The following SMARCB1 variants were observed in gnomAD, a reference collection of about 807,000 sequenced individuals.
The protein encoded by SMARCB1 is SWI/SNF-related matrix-associated actin-dependent regulator of chromatin subfamily B member 1.
SMARCB1 carries 5 observed loss-of-function variants against 49.0 expected under a neutral mutation model. That is an observed-to-expected ratio of 0.10 (90% CI 0.05 to 0.21). The LOEUF (loss-of-function observed/expected upper bound fraction) is 0.21. Ranked by LOEUF, SMARCB1 falls within the 10% of genes least tolerant of loss-of-function variation. The pLI is 1.00. For missense variants in SMARCB1, 226 were observed against 509.2 expected (o/e 0.44, Z 5.35); for synonymous variants, 201 against 200.1 (o/e 1.00, Z -0.04).
At chr22:23,805,735 C>T (rs1404243958) in intron 5 of SMARCB1, among the ~76,000 whole-genome samples, 1 of 152,220 alleles carries the variant, frequency 6.6e-6, no homozygotes, top group East Asian at 1.9e-4. Context: ...AAACTCCTGA[C>T]CTCAGGTGAT....
intron 4 of SMARCB1, chr22:23,801,680 A>G (rs1200025831): frequency 3.4e-6 from 1 of 297,624 alleles, no homozygotes; most frequent in Admixed American, 4.6e-5. Context: ...CTCTGCATGA[A>G]ACTTCCCTGT....
chr22:23,787,372 C>CGG (rs1176432233), intron 1 of SMARCB1, 110 bp downstream of exon 1: 14 of 503,290 alleles, frequency 2.8e-5, no homozygotes, highest in Non-Finnish European at 4.7e-5. Context: ...GGCGGGCGCG[C>CGG]GCGCGCGCGC....
chr22:23,814,149 A>G lies in SMARCB1; in HGVS notation c.629-2621A>G, dbSNP rs149111189. On this transcript the variant is annotated intron_variant, in intron 5 of 8. Coordinates refer to ENST00000644036, the MANE Select transcript of SMARCB1 (RefSeq NM_003073.5). ...CCGGCCAGCAATTTTGAAAAACAGTAAAGTGGGAGTAATCATTCTACCCAA... is the reference window on the plus strand; with the variant it reads ...CCGGCCAGCAATTTTGAAAAACAGTGAAGTGGGAGTAATCATTCTACCCAA... Among the ~76,000 whole-genome samples the G allele has an allele frequency of 4.9e-3, 744 of 152,208 alleles. 6 individuals are homozygous for G. Among genetic ancestry groups the G allele is most frequent in the Non-Finnish European group, 6.8e-3 (463 of 67,994 alleles).
chr22:23,795,281 TA>T (rs546440862), intron 3 of SMARCB1, among the ~76,000 whole-genome samples: 12 of 151,920 alleles, frequency 7.9e-5, no homozygotes, highest in Admixed American at 2.0e-4. Flanking sequence ...TACTGAAAGT[TA>T]AAAAAATTAG....
chr22:23,809,220 C>A (rs1041326704), intron 5 of SMARCB1, among the ~76,000 whole-genome samples: 2 of 151,244 alleles, frequency 1.3e-5, no homozygotes, highest in African/African-American at 4.9e-5. Context: ...AACTGTTAAT[C>A]TAGAATCCTG....
Position 23,836,102 on chromosome 22 carries a change from C to T in SMARCB1, c.*1922C>T. On this transcript the variant is annotated 3_prime_UTR_variant, in exon 9 of 9. Coordinates refer to ENST00000644036, the MANE Select transcript of SMARCB1 (RefSeq NM_003073.5). The stretch of plus-strand genomic sequence containing the variant: ...TGAGCCACAGGGGTCGGATAAGGCT[C>T]ACACACGTCCTCAGCTAAAAAGGGC... 1 of 985,454 alleles carries T rather than the reference C, an allele frequency of 1.0e-6. No individual in the cohort carries two copies. The highest frequency in any genetic ancestry group is 1.2e-6 in the Non-Finnish European group (1 of 829,952). The allele number at this position is 985,454 out of a possible 1,614,324, so 61.0% of individuals were successfully genotyped here.
rs1320922844 is a variant in SMARCB1 at position 23,791,742 on chromosome 22, T to C, written c.94-14T>C. The C allele has an allele frequency of 6.2e-7, 1 of 1,613,632 alleles. No homozygotes were observed. Among genetic ancestry groups the C allele is most frequent in the Admixed American group, 1.7e-5 (1 of 60,020 alleles). On this transcript the variant is annotated splice_polypyrimidine_tract_variant and intron_variant, in intron 1 of 8. Coordinates refer to ENST00000644036, the MANE Select transcript of SMARCB1 (RefSeq NM_003073.5). Reference sequence around the variant, plus strand: ...CTGCGACCCTTATAATGAGCCTTCTTGCTTTACTCATAGGTGGGAAACTAC... The same window carrying C: ...CTGCGACCCTTATAATGAGCCTTCTCGCTTTACTCATAGGTGGGAAACTAC...
intron 6 of SMARCB1, among the ~76,000 whole-genome samples, chr22:23,822,280 G>T (rs9612470): frequency 6.6e-6 from 1 of 152,128 alleles, no homozygotes; most frequent in Non-Finnish European, 1.5e-5. Flanking sequence ...TGCTGCTGCA[G>T]TTTGAGCCAT....
Position 23,836,021 on chromosome 22 carries a change from C to G in SMARCB1, c.*1841C>G, listed in dbSNP as rs1046119617. 1 of 985,350 alleles carries G rather than the reference C, an allele frequency of 1.0e-6. No homozygotes were observed. Among genetic ancestry groups the G allele is most frequent in the African/African-American group, 1.7e-5 (1 of 57,236 alleles). The allele number at this position is 985,350 out of a possible 1,614,324, so 61.0% of individuals were successfully genotyped here. A position where few individuals can be genotyped will look rare whatever the true frequency, so the allele number is the denominator to read the frequency against. On this transcript the variant is annotated 3_prime_UTR_variant, in exon 9 of 9. Transcript: ENST00000644036. ...TGCCACTGAGCATCCAGAAATAAAC[C>G]ACAACATGGACAGGCTTAGAACAAC... is the stretch of plus-strand genomic sequence containing the variant.
In SMARCB1 at chr22:23,837,515, G is replaced by T; in HGVS notation, c.*3335G>T. The T allele has an allele frequency of 1.1e-6, 1 of 880,032 alleles. No individual in the cohort carries two copies. Among genetic ancestry groups the T allele is most frequent in the Non-Finnish European group, 1.7e-6 (1 of 581,248 alleles). 54.5% of individuals were successfully genotyped at this position (880,032 alleles called of 1,614,324 possible). A position where few individuals can be genotyped will look rare whatever the true frequency, so the allele number is the denominator to read the frequency against. ...TGGCTTGAGGGGCTGTAAGAGCACAGCAGCTGGGAGGGCAGGAAGATGGGG... is the reference window on the plus strand; with the variant it reads ...TGGCTTGAGGGGCTGTAAGAGCACATCAGCTGGGAGGGCAGGAAGATGGGG... On this transcript the variant is annotated 3_prime_UTR_variant, in exon 9 of 9. Coordinates refer to ENST00000644036, the MANE Select transcript of SMARCB1 (RefSeq NM_003073.5).
intron 3 of SMARCB1, among the ~76,000 whole-genome samples, chr22:23,799,084 C>T (rs1327695415): frequency 6.7e-6 from 1 of 150,308 alleles, no homozygotes; most frequent in Admixed American, 6.6e-5. Context: ...TCATGACTTG[C>T]TCTGAATGGT....
rs772433022 is a variant in SMARCB1, at chr22:23,787,179, A to T, written c.10A>T (p.Met4Leu). The T allele has an allele frequency of 1.9e-6, 3 of 1,606,404 alleles. No homozygotes were observed. Among genetic ancestry groups the T allele is most frequent in the Non-Finnish European group, 2.6e-6 (3 of 1,175,350 alleles). Residue 4 changes from methionine (M) to leucine (L), a missense_variant, in exon 1 of 9, where the codon ATG (methionine) becomes TTG (leucine). Around this residue, in one of 6 missense-constraint regions of SMARCB1, gnomAD observed 37 missense variants for 36.9 expected, o/e 1.00. Transcript: ENST00000644036. MMM[M>L]ALSKTFGQKP... ...CGCCTCTGCCGCCGCAATGATGATG[A>T]TGGCGCTGAGCAAGACCTTCGGGCA... is the stretch of plus-strand genomic sequence containing the variant.
At chr22:23,831,870 G>A (rs553791430) in intron 7 of SMARCB1, among the ~76,000 whole-genome samples, 3 of 152,322 alleles carry the variant, frequency 2.0e-5, no homozygotes, top group South Asian at 2.1e-4. Flanking sequence ...GGGACCAGCT[G>A]TCAGGAGCTG....
Position 23,837,304 on chromosome 22 carries a change from G to T in SMARCB1, c.*3124G>T. 1 of 1,060,072 alleles carries T rather than the reference G, an allele frequency of 9.4e-7. No homozygotes were observed. Among genetic ancestry groups the T allele is most frequent in the South Asian group, 1.5e-5 (1 of 67,870 alleles). 65.7% of individuals were successfully genotyped at this position (1,060,072 alleles called of 1,614,324 possible). ...AAGCCTTGCACAGAGTGCCAGCCCCGGGTTGGCCGTGAAGGACAAGCTTAA... is the reference window on the plus strand; with the variant it reads ...AAGCCTTGCACAGAGTGCCAGCCCCTGGTTGGCCGTGAAGGACAAGCTTAA... On this transcript the variant is annotated 3_prime_UTR_variant, in exon 9 of 9. Coordinates refer to ENST00000644036, the MANE Select transcript of SMARCB1 (RefSeq NM_003073.5).
chr22:23,791,933 C>G (rs1928407279), intron 2 of SMARCB1, 39 bp downstream of exon 2: 1 of 1,606,756 alleles, frequency 6.2e-7, no homozygotes, highest in Non-Finnish European at 8.5e-7. Flanking sequence ...GTTTCAAAAC[C>G]ACTCGCTTAT....
At chr22:23,793,523 C>G in intron 2 of SMARCB1, 36 bp from the exon 3 acceptor site, 4 of 1,613,158 alleles carry the variant, frequency 2.5e-6, no homozygotes, top group East Asian at 2.2e-5. Flanking sequence ...GCCACCGCCA[C>G]CAGCAGAGTG....
At chr22:23,795,588 G>A (rs868795318) in intron 3 of SMARCB1, among the ~76,000 whole-genome samples, 1 of 151,916 alleles carries the variant, frequency 6.6e-6, no homozygotes, top group African/African-American at 2.4e-5. Context: ...CCCGGGAGGC[G>A]GAGGTTGCGG....
intron 7 of SMARCB1, among the ~76,000 whole-genome samples, chr22:23,833,185 G>A (rs17003995): frequency 0.12 from 18,801 of 152,100 alleles, 1,254 homozygotes; most frequent in South Asian, 0.27. Context: ...ACACTGAGTG[G>A]AGCAGACAGT....
chr22:23,802,549 T>G (rs1179815315), intron 4 of SMARCB1: 1 of 158,832 alleles, frequency 6.3e-6, no homozygotes, highest in Non-Finnish European at 1.4e-5. Flanking sequence ...CCTGCCCCTT[T>G]CCCTGTCTGT....
Sources: gnomAD v4.1 joint callset for allele counts (sites outside exome capture counted in the v4.1 genomes callset) on GRCh38, gnomAD v4.1.1 for gene constraint, gnomAD v4.1.1 regional missense constraint, MANE v1.5 for transcripts, NCBI Gene and HGNC (gene_info 2026-07-23, HGNC 2026-07-21) for gene names.